Variants in CLUL1 observed in about 807,000 individuals in gnomAD.
CLUL1 encodes clusterin-like protein 1.
Under a neutral mutation model 49.4 loss-of-function variants are expected in CLUL1, and 43 were observed. The observed-to-expected ratio is 0.87, with a 90% CI of 0.68 to 1.12. The LOEUF is 1.12. Ranked by LOEUF, CLUL1 falls within the 50% of genes most tolerant of loss-of-function variation. The probability of loss-of-function intolerance (pLI) is 0.00; values close to 1 mark genes in which losing one functional copy is unlikely to be tolerated. For synonymous variants in CLUL1, 192 were observed against 184.9 expected, an observed-to-expected ratio of 1.04 and a Z score of -0.31; for missense variants, 486 against 544.4, an observed-to-expected ratio of 0.89 and a Z score of 1.07.
chr18:621,788 C>T (rs1459049776), intron 4 of CLUL1, among the ~76,000 whole-genome samples: 5 of 152,148 alleles, frequency 3.3e-5, no homozygotes, highest in East Asian at 1.9e-4. Flanking sequence ...GATGTGTGCA[C>T]GGGGGACCCA....
At chr18:645,803 AAAAAAAAATATATATAT>A (rs2074468050) in intron 9 of CLUL1, among the ~76,000 whole-genome samples, 1 of 50,882 alleles carries the variant, frequency 2.0e-5, no homozygotes, top group African/African-American at 7.9e-5. Context: ...AAAAAAAAAA[AAAAAAAAATATATATAT>A]ATATATATAT....
intron 7 of CLUL1, among the ~76,000 whole-genome samples, chr18:633,796 ATCGGAATGAATCAGGGCGGAGCG>A (rs1220109972): frequency 2.8e-5 from 1 of 35,886 alleles, no homozygotes; most frequent in Non-Finnish European, 8.7e-5. Flanking sequence ...AGAGCATGTA[ATCGGAATGAATCAGGGCGGAGCG>A]TGTAATCGGA....
intron 9 of CLUL1, among the ~76,000 whole-genome samples, chr18:645,806 AAAAAATATATATATATATATAT>A (rs1306081459): frequency 1.2e-4 from 6 of 51,862 alleles, no homozygotes; most frequent in African/African-American, 1.7e-4. Flanking sequence ...AAAAAAAAAA[AAAAAATATATATATATATATAT>A]ATATATATAT....
chr18:644,948 A>G lies in CLUL1; in HGVS notation c.1248A>G (p.Gln416=), dbSNP rs1317124997. Residue 416 remains glutamine (Q), a synonymous_variant, in exon 9 of 10, where the codon CAA becomes CAG. Coordinates refer to ENST00000692774, the MANE Select transcript of CLUL1 (RefSeq NM_001393344.1). ...PRIHEGNISK[Q]DETMMTDLSI... ...TTCATGAAGGAAATATTTCCAAACA[A>G]GATGAAACAATGATGACAGACTTAA... The G allele has an allele frequency of 6.2e-7, 1 of 1,613,308 alleles. No homozygotes were observed. The highest frequency in any genetic ancestry group is 2.2e-5 in the East Asian group (1 of 44,862).
At chr18:608,718 T>TAAAC (rs34540016) in intron 2 of CLUL1, among the ~76,000 whole-genome samples, 17,103 of 151,946 alleles carry the variant, frequency 0.11, 1,170 homozygotes, top group Middle Eastern at 0.18. Context: ...ACTCTGTCTC[T>TAAAC]AAACAAACAA....
At chr18:621,285 C>A (rs1483426795) in intron 4 of CLUL1, among the ~76,000 whole-genome samples, 12 of 152,054 alleles carry the variant, frequency 7.9e-5, no homozygotes, top group Non-Finnish European at 1.5e-5. Flanking sequence ...CTGCTTACAT[C>A]TTTTTACTTC....
intron 2 of CLUL1, among the ~76,000 whole-genome samples, chr18:608,539 G>C: frequency 6.6e-6 from 1 of 152,024 alleles, no homozygotes; most frequent in East Asian, 1.9e-4. Context: ...TGACATTTTG[G>C]CTAACAAGTG....
Position 641,484 on chromosome 18 carries a change from G to A in CLUL1, c.1152G>A (p.Trp384Ter). ...AGAAGATGAGAGGGCAATTTGGCTG[G>A]GTGTCTGAACTGGCAAACCAGGCCC... ...LVEKMRGQFGWVSELANQAPE... is the reference protein window; with the variant it reads ...LVEKMRGQFG The change falls in exon 8 of 10, where the codon TGG (tryptophan) becomes TGA (stop). Residue 384 changes from tryptophan to a stop codon, truncating the protein, a stop_gained. Coordinates refer to ENST00000692774, the MANE Select transcript of CLUL1 (RefSeq NM_001393344.1). LOFTEE classifies it high-confidence loss of function. 1 of 1,614,136 alleles carries A rather than the reference G, an allele frequency of 6.2e-7. No homozygotes were observed. Among genetic ancestry groups the A allele is most frequent in the Non-Finnish European group, 8.5e-7 (1 of 1,180,026 alleles).
rs2073837549 is a variant in CLUL1, at chr18:627,270, T to C, written c.597T>C (p.Phe199=). Residue 199 remains phenylalanine, a synonymous_variant, in exon 6 of 10, where the codon TTT becomes TTC. Coordinates refer to ENST00000692774, the MANE Select transcript of CLUL1 (RefSeq NM_001393344.1). ...VDVNSLFNRS[F]NVFRQMQQEF... is the part of the protein sequence containing the mutation. ...TGAATTCTCTCTTTAACAGGAGTTT[T>C]AACGTCTTCAGACAGATGCAGCAAG... 1.2e-6 allele frequency: 2 copies of C among 1,613,972 alleles called. No individual in the cohort carries two copies. Among genetic ancestry groups the C allele is most frequent in the Non-Finnish European group, 1.7e-6 (2 of 1,180,024 alleles).
intron 5 of CLUL1, among the ~76,000 whole-genome samples, chr18:625,960 A>G (rs1246470196): frequency 6.6e-6 from 1 of 152,222 alleles, no homozygotes; most frequent in African/African-American, 2.4e-5. Flanking sequence ...CAGCACCAGC[A>G]GGAAGTCAGG....
At position 618,839 on chromosome 18, in the gene CLUL1, G is replaced by T. The variant is rs1043617689; in HGVS notation, c.107-374G>T. Reference sequence around the variant, plus strand: ...GAAAGAAAGAGAAATTGCTGACTGTGTTTGAGGTCCCCAGCTGGGCACTTA... The same window carrying T: ...GAAAGAAAGAGAAATTGCTGACTGTTTTTGAGGTCCCCAGCTGGGCACTTA... On this transcript the variant is annotated intron_variant, in intron 3 of 9. Coordinates refer to ENST00000692774, the MANE Select transcript of CLUL1 (RefSeq NM_001393344.1). The surrounding 1 kb of genome is among the most constrained non-coding windows in gnomAD (Gnocchi z 4.2). 6.6e-6 allele frequency among the ~76,000 whole-genome samples: 1 copy of T among 152,102 alleles called. No homozygotes were observed. Among genetic ancestry groups the T allele is most frequent in the African/African-American group, 2.4e-5 (1 of 41,406 alleles).
Position 627,102 on chromosome 18 carries a change from A to G in CLUL1, c.429A>G (p.Glu143=), listed in dbSNP as rs565700761. ...TCCCCTACTCTACTCCACAGATTGA[A>G]CGGTTTTTCAGGAAGATATATCAAT... is the stretch of plus-strand genomic sequence containing the variant. ...PSWSSVKNKI[E]RFFRKIYQFL... is the part of the protein sequence containing the mutation. Residue 143 remains glutamate, a synonymous_variant, in exon 6 of 10, where the codon GAA becomes GAG. Transcript: ENST00000692774. The G allele has an allele frequency of 3.0e-5, 48 of 1,605,602 alleles. No homozygotes were observed. The South Asian group carries it at 5.0e-4, about 17-fold the overall frequency.
rs374602774 is a variant in CLUL1, at chr18:641,580, G to T, written c.1209+39G>T. The T allele has an allele frequency of 2.1e-5, 31 of 1,489,418 alleles. No individual in the cohort carries two copies. The South Asian group carries it at 3.3e-4, about 16-fold the overall frequency. 92.3% of individuals were successfully genotyped at this position (1,489,418 alleles called of 1,614,324 possible). A position where few individuals can be genotyped will look rare whatever the true frequency, so the allele number is the denominator to read the frequency against. ...CCAAGAGCAGATACGGAAATGACAC[G>T]TGCATACCTTGATTTCACTGTTAAT... On this transcript the variant is annotated intron_variant, in intron 8 of 9. Coordinates refer to ENST00000692774, the MANE Select transcript of CLUL1 (RefSeq NM_001393344.1).
At chr18:635,731 C>T (rs933399276) in intron 7 of CLUL1, among the ~76,000 whole-genome samples, 2 of 152,070 alleles carry the variant, frequency 1.3e-5, no homozygotes, top group Non-Finnish European at 2.9e-5. Flanking sequence ...CAAATCGCGC[C>T]GTTCAGAGAA....
At chr18:604,034 C>G (rs111679067) in intron 1 of CLUL1, among the ~76,000 whole-genome samples, 49 of 152,266 alleles carry the variant, frequency 3.2e-4, no homozygotes, top group African/African-American at 1.2e-3. Context: ...ACACACGCCA[C>G]CTCACCTGGC....
At chr18:626,610 G>C (rs1053754524) in intron 5 of CLUL1, among the ~76,000 whole-genome samples, 1 of 151,480 alleles carries the variant, frequency 6.6e-6, no homozygotes, top group African/African-American at 2.4e-5. Context: ...TGTTATCCTA[G>C]CACTTTGGGA....
At chr18:637,796 G>A (rs561007084) in intron 7 of CLUL1, among the ~76,000 whole-genome samples, 84 of 152,036 alleles carry the variant, frequency 5.5e-4, no homozygotes, top group African/African-American at 1.7e-3. Context: ...CCAACATGGC[G>A]AAACCCCGTT....
chr18:639,845 C>T (rs1319845599), intron 7 of CLUL1, among the ~76,000 whole-genome samples: 2 of 151,884 alleles, frequency 1.3e-5, no homozygotes, highest in Non-Finnish European at 2.9e-5. Context: ...GACTATGTAA[C>T]TTATTAATGA....
At chr18:628,050 C>G (rs1004551868) in intron 6 of CLUL1, among the ~76,000 whole-genome samples, 1 of 152,220 alleles carries the variant, frequency 6.6e-6, no homozygotes, top group Non-Finnish European at 1.5e-5. Flanking sequence ...TGGTCTCAAA[C>G]TCCCGACCTC....
Sources: gnomAD v4.1 joint callset for allele counts (sites outside exome capture counted in the v4.1 genomes callset) on GRCh38, gnomAD v4.1.1 for gene constraint, Gnocchi (gnomAD v3.1) non-coding constraint, MANE v1.5 for transcripts, NCBI Gene and HGNC (gene_info 2026-07-23, HGNC 2026-07-21) for gene names.